GALNT13: variants seen among roughly 807,000 people sequenced by gnomAD.
The protein encoded by GALNT13 is UDP-GalNAc:polypeptide N-acetylgalactosaminyltransferase 13.
GALNT13 carries 28 observed loss-of-function variants against 64.2 expected under a neutral mutation model. The ratio of observed to expected loss-of-function variants is 0.44; its 90% CI spans 0.32 to 0.60. The LOEUF is 0.60. Among genes scored for constraint, GALNT13 ranks in the 20% least tolerant of loss-of-function variants. The pLI, the probability that GALNT13 is intolerant of heterozygous loss-of-function variation, is 0.05. For synonymous variants in GALNT13, 214 were observed against 224.6 expected, an observed-to-expected ratio of 0.95 and a Z score of 0.42; for missense variants, 577 against 669.8, an observed-to-expected ratio of 0.86 and a Z score of 1.53.
At chr2:153,982,841 G>A (rs1236143446) in intron 3 of GALNT13, among the ~76,000 whole-genome samples, 2 of 150,424 alleles carry the variant, frequency 1.3e-5, no homozygotes. Context: ...ATCTGTCTGG[G>A]GAAAAAAAAG....
At chr2:154,084,611 AATCT>A (rs1365704537) in intron 3 of GALNT13, among the ~76,000 whole-genome samples, 1 of 151,930 alleles carries the variant, frequency 6.6e-6, no homozygotes, top group Non-Finnish European at 1.5e-5. Flanking sequence ...TATTAAAACA[AATCT>A]ATCTTTCATG....
chr2:154,352,502 T>A (rs1696469309), intron 9 of GALNT13, among the ~76,000 whole-genome samples: 1 of 152,214 alleles, frequency 6.6e-6, no homozygotes, highest in South Asian at 2.1e-4. Flanking sequence ...TCACAGCCAA[T>A]GAGGTAGGTA....
At chr2:153,594,475 T>C in the GALNT13 span, among the ~76,000 whole-genome samples, 1 of 152,150 alleles carries the variant, frequency 6.6e-6, no homozygotes, top group Admixed American at 6.5e-5. Context: ...ATGATCTCCC[T>C]TTCACTTGCC....
chr2:153,367,231 A>G, the GALNT13 span, among the ~76,000 whole-genome samples: 16 of 152,248 alleles, frequency 1.1e-4, no homozygotes, highest in South Asian at 3.3e-3. Context: ...TTGCATGTTT[A>G]TATCATATAT....
intron 3 of GALNT13, among the ~76,000 whole-genome samples, chr2:153,967,212 A>G (rs1693432082): frequency 6.6e-6 from 1 of 152,170 alleles, no homozygotes; most frequent in African/African-American, 2.4e-5. Flanking sequence ...GTCTTTGCCA[A>G]TCAAGGATTG....
chr2:153,928,873 T>C (rs1172441189), intron 2 of GALNT13, among the ~76,000 whole-genome samples: 1 of 152,192 alleles, frequency 6.6e-6, no homozygotes, highest in African/African-American at 2.4e-5. Flanking sequence ...ACAAATTGCC[T>C]TGACACAGGA....
chr2:153,683,642 G>C, the GALNT13 span, among the ~76,000 whole-genome samples: 2 of 151,594 alleles, frequency 1.3e-5, no homozygotes, highest in African/African-American at 4.8e-5. Flanking sequence ...TAACGTGAAG[G>C]CTAGTGAGGG....
At chr2:153,669,448 C>G in the GALNT13 span, among the ~76,000 whole-genome samples, 1 of 152,168 alleles carries the variant, frequency 6.6e-6, no homozygotes, top group African/African-American at 2.4e-5. Flanking sequence ...ACCAAACACT[C>G]ATGACACACA....
chr2:153,501,533 T>C, the GALNT13 span, among the ~76,000 whole-genome samples: 1 of 152,232 alleles, frequency 6.6e-6, no homozygotes, highest in Admixed American at 6.5e-5. Context: ...GGTTTCACCA[T>C]GTTGGCCAGG....
At chr2:153,281,011 A>G in the GALNT13 span, among the ~76,000 whole-genome samples, 3 of 152,184 alleles carry the variant, frequency 2.0e-5, no homozygotes, top group African/African-American at 7.2e-5. Flanking sequence ...TCATAGGACT[A>G]GAAGTACTCA....
intron 3 of GALNT13, among the ~76,000 whole-genome samples, chr2:153,973,112 CT>C (rs1361546510): frequency 6.6e-6 from 1 of 151,710 alleles, no homozygotes; most frequent in African/African-American, 2.4e-5. Context: ...TTCATAGCCC[CT>C]TTTTTTTCCT....
At chr2:153,393,947 TACACACACAC>T in the GALNT13 span, among the ~76,000 whole-genome samples, 5 of 128,174 alleles carry the variant, frequency 3.9e-5, no homozygotes, top group East Asian at 2.2e-4. Context: ...TCTCTCTGTC[TACACACACAC>T]ACACACACAC....
the GALNT13 span, among the ~76,000 whole-genome samples, chr2:153,529,800 A>G: frequency 6.6e-6 from 1 of 152,098 alleles, no homozygotes; most frequent in African/African-American, 2.4e-5. Flanking sequence ...TGAAGGACAA[A>G]AACCAAATGA....
At chr2:154,302,531 A>G (rs1024315934) in intron 9 of GALNT13, among the ~76,000 whole-genome samples, 4 of 152,216 alleles carry the variant, frequency 2.6e-5, no homozygotes, top group Admixed American at 2.0e-4. Context: ...TTAAGTGTCA[A>G]TGAAAAGAGT....
intron 2 of GALNT13, among the ~76,000 whole-genome samples, chr2:153,935,414 G>A (rs1355837573): frequency 1.3e-5 from 2 of 152,120 alleles, no homozygotes; most frequent in Non-Finnish European, 2.9e-5. Flanking sequence ...ACTTTATTTG[G>A]ATCATCATTA....
chr2:153,846,740 A>G, the GALNT13 span, among the ~76,000 whole-genome samples: 4 of 152,104 alleles, frequency 2.6e-5, no homozygotes, highest in African/African-American at 9.7e-5. Flanking sequence ...TCACTTATAA[A>G]TCAGGAATGA....
chr2:153,990,594 G>A (rs778553749), intron 3 of GALNT13, among the ~76,000 whole-genome samples: 2 of 152,136 alleles, frequency 1.3e-5, no homozygotes, highest in Non-Finnish European at 2.9e-5. Context: ...CGTATTTTGA[G>A]AATGTGTTTC....
the GALNT13 span, among the ~76,000 whole-genome samples, chr2:153,094,309 G>A: frequency 2.0e-5 from 3 of 151,748 alleles, no homozygotes; most frequent in Non-Finnish European, 4.4e-5. Flanking sequence ...ATATGTTTTG[G>A]TATGTTGTGT....
intron 3 of GALNT13, among the ~76,000 whole-genome samples, chr2:154,028,543 C>T (rs7576884): frequency 0.58 from 87,889 of 151,840 alleles, 27,019 homozygotes; most frequent in East Asian, 0.96. Context: ...CTCAAAAATA[C>T]TCAGTGAATT....
Sources: allele counts gnomAD v4.1 joint callset (sites outside exome capture counted in the v4.1 genomes callset), GRCh38; gene constraint gnomAD v4.1.1; transcripts MANE v1.5; gene names NCBI Gene and HGNC (gene_info 2026-07-23, HGNC 2026-07-21).